Variants in CPNE3 observed in about 807,000 individuals in gnomAD.
CPNE3 encodes copine 3.
A neutral mutation model predicts 63.9 loss-of-function variants in CPNE3; 68 were observed. That is an observed-to-expected ratio of 1.06 (90% CI 0.87 to 1.30). The LOEUF is 1.30. CPNE3 is among the 50% of genes most tolerant of loss of function. The probability of loss-of-function intolerance (pLI) is 0.00; values close to 1 mark genes in which losing one functional copy is unlikely to be tolerated. For missense variants in CPNE3, 665 were observed against 578.1 expected (o/e 1.15, Z -1.54); for synonymous variants, 219 against 197.5 (o/e 1.11, Z -0.91).
intron 4 of CPNE3, 150 bp from the exon 5 acceptor site, chr8:86,531,005 T>C (rs1246462202): frequency 5.0e-6 from 3 of 595,736 alleles, no homozygotes; most frequent in Admixed American, 5.8e-5. Flanking sequence ...AATATGTAGA[T>C]GATCTAAATC....
At chr8:86,519,659 G>A (rs1352007347) in intron 2 of CPNE3, among the ~76,000 whole-genome samples, 2 of 152,158 alleles carry the variant, frequency 1.3e-5, no homozygotes, top group Non-Finnish European at 2.9e-5. Context: ...ACAATTTTGA[G>A]CAAAGGTACC....
chr8:86,519,421 G>A (rs563133292), intron 2 of CPNE3, among the ~76,000 whole-genome samples: 13 of 152,310 alleles, frequency 8.5e-5, no homozygotes, highest in African/African-American at 3.1e-4. Context: ...CCAAGCATCA[G>A]CAATGGTATC....
In CPNE3 at chr8:86,546,654, A is replaced by G; in HGVS notation, c.792A>G (p.Ser264=). ...KRQKKKSYKN[S]GVISVKQCEI... ...AAAAGAAAAAAAGCTACAAGAATTC[A>G]GGTGTTATCAGTGTGAAACAGTGTG... Residue 264 remains serine, a synonymous_variant, in exon 10 of 17, where the codon TCA becomes TCG. Transcript: ENST00000517490. The G allele has an allele frequency of 6.2e-7, 1 of 1,613,626 alleles. No homozygotes were observed. Among genetic ancestry groups the G allele is most frequent in the Non-Finnish European group, 8.5e-7 (1 of 1,179,882 alleles).
chr8:86,555,028 A>G (rs1821290473), intron 15 of CPNE3, 44 bp downstream of exon 15: 1 of 1,610,830 alleles, frequency 6.2e-7, no homozygotes, highest in Non-Finnish European at 8.5e-7. Context: ...GTGGATTGGT[A>G]GCAGCTCCTG....
chr8:86,558,677 C>G lies in CPNE3; in HGVS notation c.*267C>G, dbSNP rs1821375169. 2.8e-6 allele frequency: 1 copy of G among 362,428 alleles called. No individual in the cohort carries two copies. The highest frequency in any genetic ancestry group is 5.1e-6 in the Non-Finnish European group (1 of 194,386). 22.5% of individuals were successfully genotyped at this position (362,428 alleles called of 1,614,324 possible). On this transcript the variant is annotated 3_prime_UTR_variant, in exon 17 of 17. Coordinates refer to ENST00000517490, the MANE Select transcript of CPNE3 (RefSeq NM_003909.5). ...GGATTAGAAATTAGTGTGGGGAAAGCTTATTCTGTTGTTGTTTTTGTTTAC... is the reference window on the plus strand; with the variant it reads ...GGATTAGAAATTAGTGTGGGGAAAGGTTATTCTGTTGTTGTTTTTGTTTAC...
At chr8:86,542,871 G>A (rs1563695131) in intron 8 of CPNE3, among the ~76,000 whole-genome samples, 2 of 152,032 alleles carry the variant, frequency 1.3e-5, no homozygotes, top group Non-Finnish European at 2.9e-5. Context: ...TACATTTCCT[G>A]AAATTTTAAC....
chr8:86,551,172 A>G lies in CPNE3; in HGVS notation c.1069-11A>G, dbSNP rs199546309. 2.5e-5 allele frequency: 40 copies of G among 1,613,488 alleles called. No homozygotes were observed. In the East Asian group the frequency reaches 7.8e-4, roughly 31 times the overall value. ...CCCAGCCCTCATCAGTCCTTTGTCC[A>G]TCTTTGACAGGTATCACATGAATTT... On this transcript the variant is annotated splice_polypyrimidine_tract_variant and intron_variant, in intron 13 of 16. Coordinates refer to ENST00000517490, the MANE Select transcript of CPNE3 (RefSeq NM_003909.5).
At position 86,560,968 on chromosome 8, in the gene CPNE3, C is replaced by A. The variant is rs867047248; in HGVS notation, c.*2558C>A. 3 of 152,138 alleles carry A rather than the reference C, an allele frequency of 2.0e-5. No homozygotes were observed. Among genetic ancestry groups the A allele is most frequent in the Admixed American group, 1.3e-4 (2 of 15,266 alleles). 9.4% of individuals were successfully genotyped at this position (152,138 alleles called of 1,614,324 possible). A position where few individuals can be genotyped will look rare whatever the true frequency, so the allele number is the denominator to read the frequency against. The stretch of plus-strand genomic sequence containing the variant: ...ATAGATGTAATATTTCTTACAGATG[C>A]TGGCACAGAGGAAATAATATACCAG... On this transcript the variant is annotated 3_prime_UTR_variant, in exon 17 of 17. Transcript: ENST00000517490.
At chr8:86,545,935 A>G (rs1407204084) in intron 9 of CPNE3, among the ~76,000 whole-genome samples, 1 of 152,230 alleles carries the variant, frequency 6.6e-6, no homozygotes, top group East Asian at 1.9e-4. Flanking sequence ...GATAGAGATC[A>G]GAGAAGACTA....
chr8:86,539,163 T>C (rs61203210), intron 7 of CPNE3, among the ~76,000 whole-genome samples: 15,801 of 152,228 alleles, frequency 0.1, 2,604 homozygotes, highest in African/African-American at 0.35. Flanking sequence ...TAACTCATTA[T>C]TGTATTTTTG....
chr8:86,540,404 C>G, intron 8 of CPNE3, 70 bp downstream of exon 8: 1 of 698,676 alleles, frequency 1.4e-6, no homozygotes. Flanking sequence ...AAAATTAATA[C>G]ATAAGATAGT....
At chr8:86,539,920 C>T (rs984908407) in intron 7 of CPNE3, among the ~76,000 whole-genome samples, 2 of 152,122 alleles carry the variant, frequency 1.3e-5, no homozygotes, top group African/African-American at 4.8e-5. Flanking sequence ...CCGTCTCGGC[C>T]TCCCAAAGTG....
Position 86,528,591 on chromosome 8 carries a change from G to A in CPNE3, c.46G>A (p.Ala16Thr). The change falls in exon 3 of 17, where the codon GCC becomes ACC. Residue 16 changes from alanine to threonine, a missense_variant. Coordinates refer to ENST00000517490, the MANE Select transcript of CPNE3 (RefSeq NM_003909.5). Reference protein sequence around the residue: ...VTKVALNVSCANLLDKDIGSK... With the variant: ...VTKVALNVSCTNLLDKDIGSK... ...AAAGGTGGCGCTGAATGTTTCCTGT[G>A]CCAATCTTTTGGATAAAGATATAGG... The A allele has an allele frequency of 6.2e-7, 1 of 1,613,998 alleles. No homozygotes were observed.
chr8:86,548,501 C>T lies in CPNE3; in HGVS notation c.1013+67C>T. The T allele has an allele frequency of 2.5e-6, 4 of 1,589,376 alleles. No individual in the cohort carries two copies. The South Asian group carries it at 3.4e-5, about 13-fold the overall frequency. ...ATTCCCCAGAAAGGGTAGTTTGTTT[C>T]ATCGGCTAGCACTCTGATATAGGTG... On this transcript the variant is annotated intron_variant, in intron 12 of 16. Coordinates refer to ENST00000517490, the MANE Select transcript of CPNE3 (RefSeq NM_003909.5).
At chr8:86,539,660 G>GTTTTTTTTTTTTTTTTTT (rs369540210) in intron 7 of CPNE3, among the ~76,000 whole-genome samples, 1 of 108,152 alleles carries the variant, frequency 9.2e-6, no homozygotes. Flanking sequence ...ATCCTCCGCA[G>GTTTTTTTTTTTTTTTTTT]TTTTTTTTTT....
At chr8:86,518,465 C>T (rs965018353) in intron 2 of CPNE3, among the ~76,000 whole-genome samples, 1 of 152,172 alleles carries the variant, frequency 6.6e-6, no homozygotes, top group African/African-American at 2.4e-5. Context: ...TTCAACTGAA[C>T]ACTTGGGATT....
At chr8:86,540,455 A>G (rs1030643516) in intron 8 of CPNE3, 121 bp downstream of exon 8, 21 of 418,540 alleles carry the variant, frequency 5.0e-5, no homozygotes, top group African/African-American at 4.4e-4. Flanking sequence ...TACAGAGTTA[A>G]ATTTTATGTG....
chr8:86,557,982 A>T (rs1400622412), intron 16 of CPNE3, among the ~76,000 whole-genome samples: 1 of 152,224 alleles, frequency 6.6e-6, no homozygotes, highest in Non-Finnish European at 1.5e-5. Flanking sequence ...AAAAAAAATT[A>T]ATACCAAGTA....
rs781021543 is a variant in CPNE3, at chr8:86,548,434, C to A, written c.1013C>A (p.Ala338Asp). 2 of 1,613,416 alleles carry A rather than the reference C, an allele frequency of 1.2e-6. No individual in the cohort carries two copies. The highest frequency in any genetic ancestry group is 1.7e-6 in the Non-Finnish European group (2 of 1,179,812). The change falls in exon 12 of 17, where the codon GCT becomes GAT. Residue 338 changes from alanine to aspartate, a missense_variant and splice_region_variant. Coordinates refer to ENST00000517490, the MANE Select transcript of CPNE3 (RefSeq NM_003909.5). ...SVGLVIQDYD[A>D]DKMFPAFGFG... ...GGACTGGTCATTCAAGATTATGATG[C>A]GTGAGTATGACTTTGGAAAAACTAA...
Sources: gnomAD v4.1 joint callset for allele counts (sites outside exome capture counted in the v4.1 genomes callset) on GRCh38, gnomAD v4.1.1 for gene constraint, MANE v1.5 for transcripts, NCBI Gene and HGNC (gene_info 2026-07-23, HGNC 2026-07-21) for gene names.